TMEM231: variants seen among roughly 807,000 people sequenced by gnomAD.
TMEM231 encodes the protein transmembrane protein 231.
Under a neutral mutation model 38.5 loss-of-function variants are expected in TMEM231, and 40 were observed. That is an observed-to-expected ratio of 1.04 (90% CI 0.81 to 1.35). The LOEUF (loss-of-function observed/expected upper bound fraction) is 1.35. Among genes scored for constraint, TMEM231 ranks in the 40% most tolerant of loss-of-function variants. The pLI is 0.00. For missense variants in TMEM231, 420 were observed against 416.9 expected, an observed-to-expected ratio of 1.01 and a Z score of -0.07; for synonymous variants, 199 against 181.7, an observed-to-expected ratio of 1.10 and a Z score of -0.77.
intron 6 of TMEM231, 64 bp downstream of exon 6, chr16:75,541,286 C>T: frequency 7.8e-7 from 1 of 1,276,590 alleles, no homozygotes; most frequent in Non-Finnish European, 1.1e-6. Context: ...TCCCAAAGTG[C>T]TGAAATTATA....
Position 75,539,833 on chromosome 16 carries a change from A to T in TMEM231, c.*161T>A. On this transcript the variant is annotated 3_prime_UTR_variant, in exon 7 of 7. Transcript: ENST00000258173. ...ACAATTCTGCAGGAGCTCTGAAGAT[A>T]CGGAACTGTGTAGAGCAAAACCGGA... 1 of 537,804 alleles carries T rather than the reference A, an allele frequency of 1.9e-6. No homozygotes were observed. Among genetic ancestry groups the T allele is most frequent in the South Asian group, 3.5e-5 (1 of 28,880 alleles). The allele number at this position is 537,804 out of a possible 1,614,324, so 33.3% of individuals were successfully genotyped here.
At chr16:75,540,945 T>C (rs1004802988) in intron 6 of TMEM231, among the ~76,000 whole-genome samples, 1 of 152,212 alleles carries the variant, frequency 6.6e-6, no homozygotes, top group Non-Finnish European at 1.5e-5. Context: ...ACCTCCCACG[T>C]CTGTTACTAC....
intron 2 of TMEM231, among the ~76,000 whole-genome samples, chr16:75,547,791 A>G (rs752081908): frequency 2.0e-5 from 3 of 151,776 alleles, no homozygotes; most frequent in Non-Finnish European, 2.9e-5. Flanking sequence ...AAAATAAAAT[A>G]AAAAATAAAT....
intron 4 of TMEM231, among the ~76,000 whole-genome samples, chr16:75,543,547 G>A (rs892808043): frequency 6.6e-6 from 1 of 152,116 alleles, no homozygotes; most frequent in Non-Finnish European, 1.5e-5. Flanking sequence ...TGTAGCCTGG[G>A]TGACAGAGCA....
chr16:75,545,334 A>G lies in TMEM231; in HGVS notation c.582+18T>C. 6.2e-7 allele frequency: 1 copy of G among 1,605,570 alleles called. No individual in the cohort carries two copies. Among genetic ancestry groups the G allele is most frequent in the Non-Finnish European group, 8.5e-7 (1 of 1,174,510 alleles). ...ACACAGAGAAACAAAGGAGCTGGAC[A>G]ATGAGAAGCGCTCTTACGTTGTATC... is the stretch of plus-strand genomic sequence containing the variant. On this transcript the variant is annotated intron_variant, in intron 4 of 6. Transcript: ENST00000258173.
intron 2 of TMEM231, 45 bp downstream of exon 2, chr16:75,555,759 A>T (rs918555506): frequency 6.9e-7 from 1 of 1,454,376 alleles, no homozygotes; most frequent in Admixed American, 2.5e-5. Flanking sequence ...CCCCATCCCC[A>T]CCCTATCCCC....
At chr16:75,554,336 G>A (rs184925854) in intron 2 of TMEM231, among the ~76,000 whole-genome samples, 6 of 152,164 alleles carry the variant, frequency 3.9e-5, no homozygotes, top group East Asian at 1.9e-4. Flanking sequence ...AGACCAAGGC[G>A]GGTGGATCAC....
chr16:75,550,014 G>A (rs931448518), intron 2 of TMEM231, among the ~76,000 whole-genome samples: 2 of 152,038 alleles, frequency 1.3e-5, no homozygotes, highest in Admixed American at 6.6e-5. Flanking sequence ...TGGCCAGAGG[G>A]AATTTAACAT....
intron 2 of TMEM231, among the ~76,000 whole-genome samples, chr16:75,546,635 G>A (rs1182618285): frequency 1.3e-5 from 2 of 152,086 alleles, no homozygotes; most frequent in Non-Finnish European, 2.9e-5. Context: ...TAGAGACTGG[G>A]TCTCACCATG....
At position 75,538,270 on chromosome 16, in the gene TMEM231, G is replaced by A. The variant is rs576345067; in HGVS notation, c.*1724C>T. ...TCCTCCCACCTTGGCCTCCCAAAGT[G>A]TTGAGATTACAGGAATGAACCACCA... On this transcript the variant is annotated 3_prime_UTR_variant, in exon 7 of 7. Transcript: ENST00000258173. The A allele has an allele frequency of 4.4e-4, 67 of 152,302 alleles. No homozygotes were observed. Among genetic ancestry groups the A allele is most frequent in the African/African-American group, 1.5e-3 (64 of 41,562 alleles). 9.4% of individuals were successfully genotyped at this position (152,302 alleles called of 1,614,324 possible). A position where few individuals can be genotyped will look rare whatever the true frequency, so the allele number is the denominator to read the frequency against.
Position 75,539,950 on chromosome 16 carries a change from A to G in TMEM231, c.*44T>C, listed in dbSNP as rs2080601356. The G allele has an allele frequency of 3.2e-6, 5 of 1,549,236 alleles. No homozygotes were observed. ...TCCTAAGATGTTCCCAGAAGATGACAATGAGGCAGCCACGGTCCTGCTGAG... is the reference window on the plus strand; with the variant it reads ...TCCTAAGATGTTCCCAGAAGATGACGATGAGGCAGCCACGGTCCTGCTGAG... On this transcript the variant is annotated 3_prime_UTR_variant, in exon 7 of 7. Transcript: ENST00000258173.
chr16:75,544,700 G>A (rs944163774), intron 4 of TMEM231, among the ~76,000 whole-genome samples: 3 of 152,128 alleles, frequency 2.0e-5, no homozygotes, highest in South Asian at 4.1e-4. Flanking sequence ...AGTGTCCTTC[G>A]GAGTACATCC....
intron 4 of TMEM231, 114 bp downstream of exon 4, chr16:75,545,238 G>T: frequency 7.0e-7 from 1 of 1,429,672 alleles, no homozygotes; most frequent in Non-Finnish European, 9.5e-7. Context: ...GGGATTACAG[G>T]TATGAGCCAC....
intron 2 of TMEM231, among the ~76,000 whole-genome samples, chr16:75,553,222 G>A (rs2080780288): frequency 6.6e-6 from 1 of 152,128 alleles, no homozygotes; most frequent in Non-Finnish European, 1.5e-5. Flanking sequence ...CGTCAGTCTG[G>A]CTCTATGTTC....
intron 4 of TMEM231, among the ~76,000 whole-genome samples, chr16:75,543,637 C>T (rs577444521): frequency 6.6e-6 from 1 of 152,246 alleles, no homozygotes; most frequent in South Asian, 2.1e-4. Flanking sequence ...ATACTTCCAA[C>T]TCCTTTGTCA....
Position 75,542,676 on chromosome 16 carries a change from A to C in TMEM231, c.590T>G (p.Val197Gly). 2.5e-6 allele frequency: 4 copies of C among 1,613,914 alleles called. No individual in the cohort carries two copies. The highest frequency in any genetic ancestry group is 3.4e-6 in the Non-Finnish European group (4 of 1,179,854). ...GGCAAAGGGGCTGGTCCCGTTGATC[A>C]CGGATATCTGGGACACGGGAGGAGG... ...GGLDARYNIS[V>G]INGTSPFAYD... The change falls in exon 5 of 7, where the codon GTG (valine) becomes GGG (glycine). Residue 197 changes from valine to glycine, a missense_variant. Val to Gly is a moderately radical substitution (Grantham distance 109). Transcript: ENST00000258173.
At chr16:75,549,956 G>A (rs925883761) in intron 2 of TMEM231, among the ~76,000 whole-genome samples, 26 of 152,186 alleles carry the variant, frequency 1.7e-4, no homozygotes, top group African/African-American at 4.3e-4. Context: ...TGATCTGCCC[G>A]CCTCAGCCTC....
rs146945255 is a variant in TMEM231 at position 75,555,791 on chromosome 16, G to T, written c.309+13C>A. 763 of 1,519,722 alleles carry T rather than the reference G, an allele frequency of 5.0e-4. No homozygotes were observed. The highest frequency in any genetic ancestry group is 6.4e-4 in the Non-Finnish European group (725 of 1,131,056). The allele number at this position is 1,519,722 out of a possible 1,614,324, so 94.1% of individuals were successfully genotyped here. ...CCCCGACTCTGCCCCAGGCCCAGGCGGGAACCACGCACCGAAACGAGCGGG... is the reference window on the plus strand; with the variant it reads ...CCCCGACTCTGCCCCAGGCCCAGGCTGGAACCACGCACCGAAACGAGCGGG... On this transcript the variant is annotated intron_variant, in intron 2 of 6. Coordinates refer to ENST00000258173, the MANE Select transcript of TMEM231 (RefSeq NM_001077418.3).
In TMEM231 at chr16:75,539,430, T is replaced by C. The variant is rs1411679668; in HGVS notation, c.*564A>G. 2 of 151,974 alleles carry C rather than the reference T, an allele frequency of 1.3e-5. No homozygotes were observed. Among genetic ancestry groups the C allele is most frequent in the East Asian group, 2.0e-4 (1 of 5,122 alleles). The allele number at this position is 151,974 out of a possible 1,614,324, so 9.4% of individuals were successfully genotyped here. On this transcript the variant is annotated 3_prime_UTR_variant, in exon 7 of 7. Transcript: ENST00000258173. ...AGTGTCCTTCAGCGGCCCTCCCTGA[T>C]TGCCTGTGCTAATGCGGCCCTTGCC...
Sources: allele counts gnomAD v4.1 joint callset (sites outside exome capture counted in the v4.1 genomes callset), GRCh38; gene constraint gnomAD v4.1.1; transcripts MANE v1.5; gene names NCBI Gene and HGNC (gene_info 2026-07-23, HGNC 2026-07-21).